Variants in KIF18A observed in about 807,000 individuals in gnomAD.
The protein encoded by KIF18A is kinesin family member 18A.
KIF18A carries 67 observed loss-of-function variants against 103.3 expected under a neutral mutation model. That is an observed-to-expected ratio of 0.65 (90% CI 0.53 to 0.79). The LOEUF (loss-of-function observed/expected upper bound fraction) is 0.79. Ranked by LOEUF, KIF18A falls within the 30% of genes least tolerant of loss-of-function variation. KIF18A has a pLI of 0.00. For missense variants in KIF18A, 1,032 were observed against 1,062.5 expected (o/e 0.97, Z 0.40); for synonymous variants, 367 against 355.5 (o/e 1.03, Z -0.36).
chr11:28,100,941 T>C (rs1019912362), intron 1 of KIF18A, among the ~76,000 whole-genome samples: 2 of 152,136 alleles, frequency 1.3e-5, no homozygotes, highest in African/African-American at 2.4e-5. Flanking sequence ...TTTCTATTTG[T>C]ATAAAAGAGA....
At chr11:28,023,623 C>T (rs1053916268) in intron 16 of KIF18A, 118 bp downstream of exon 16, 2 of 505,650 alleles carry the variant, frequency 4.0e-6, no homozygotes, top group Non-Finnish European at 7.1e-6. Context: ...TGTTCTACCA[C>T]ATAGTAAAGG....
intron 13 of KIF18A, among the ~76,000 whole-genome samples, chr11:28,043,697 CAAAAA>C (rs1850592446): frequency 2.0e-5 from 3 of 150,952 alleles, no homozygotes; most frequent in African/African-American, 7.3e-5. Context: ...AAAACAAAAA[CAAAAA>C]CAAAAACCAA....
intron 11 of KIF18A, among the ~76,000 whole-genome samples, chr11:28,066,471 C>T (rs1281758938): frequency 6.6e-6 from 1 of 151,870 alleles, no homozygotes; most frequent in Non-Finnish European, 1.5e-5. Flanking sequence ...TCCTCTGATC[C>T]TAGCTAACTT....
rs776415017 is a variant in KIF18A, at chr11:28,069,309, G to A, written c.1540C>T (p.Arg514Cys). Residue 514 changes from arginine to cysteine, a missense_variant, in exon 11 of 17, where the codon CGT (arginine) becomes TGT (cysteine). Transcript: ENST00000263181. ...AAGAGTCCCATTTCTTTTTCGACAC[G>A]ATGGAGCCAATTAGTATTCTCATCA... ...QFDENTNWLHRVEKEMGLLSQ... is the reference protein window; with the variant it reads ...QFDENTNWLHCVEKEMGLLSQ... The A allele has an allele frequency of 2.5e-5, 41 of 1,613,150 alleles. No homozygotes were observed. Among genetic ancestry groups the A allele is most frequent in the African/African-American group, 2.1e-4 (16 of 74,832 alleles).
chr11:28,096,633 G>T (rs1034474130), intron 2 of KIF18A, among the ~76,000 whole-genome samples: 7 of 152,020 alleles, frequency 4.6e-5, no homozygotes, highest in African/African-American at 1.5e-4. Flanking sequence ...CTTAAAAATG[G>T]GAATCACAGT....
In KIF18A at chr11:28,022,782, A is replaced by G. The variant is rs375653993; in HGVS notation, c.2614+959T>C. Among the ~76,000 whole-genome samples, 10 of 152,160 alleles carry G rather than the reference A, an allele frequency of 6.6e-5. No individual in the cohort carries two copies. The East Asian group carries it at 1.3e-3, about 20-fold the overall frequency. The stretch of plus-strand genomic sequence containing the variant: ...GTTTCAATTTGCTGTCTGATGCTTC[A>G]ATTTCCATTGAACTTAAGGTAAACA... On this transcript the variant is annotated intron_variant, in intron 16 of 16. Transcript: ENST00000263181.
intron 13 of KIF18A, among the ~76,000 whole-genome samples, chr11:28,041,617 T>C (rs1472028458): frequency 1.3e-5 from 2 of 151,746 alleles, no homozygotes; most frequent in Non-Finnish European, 2.9e-5. Flanking sequence ...ATGGATATAA[T>C]GTGATCTGAT....
At chr11:28,021,787 T>C (rs1419966340) in intron 16 of KIF18A, among the ~76,000 whole-genome samples, 1 of 152,220 alleles carries the variant, frequency 6.6e-6, no homozygotes, top group Admixed American at 6.5e-5. Flanking sequence ...GTTCTATTTA[T>C]GCCCATTCTT....
At chr11:28,072,982 T>C (rs556704137) in intron 10 of KIF18A, among the ~76,000 whole-genome samples, 1 of 152,276 alleles carries the variant, frequency 6.6e-6, no homozygotes, top group East Asian at 1.9e-4. Context: ...GTTTTGATAA[T>C]GCTACTCCCT....
At chr11:28,075,868 A>C (rs1167224605) in intron 10 of KIF18A, among the ~76,000 whole-genome samples, 1 of 152,162 alleles carries the variant, frequency 6.6e-6, no homozygotes, top group Non-Finnish European at 1.5e-5. Context: ...TTTCTATACA[A>C]AATACATGGG....
chr11:28,036,102 TAAAAC>T (rs1384617805), intron 14 of KIF18A, 110 bp downstream of exon 14: 1 of 625,458 alleles, frequency 1.6e-6, no homozygotes, highest in Non-Finnish European at 2.7e-6. Flanking sequence ...TTAATGAAAA[TAAAAC>T]AGACTGTTTT....
chr11:28,048,150 C>G (rs1354036844), intron 13 of KIF18A, among the ~76,000 whole-genome samples: 1 of 152,120 alleles, frequency 6.6e-6, no homozygotes, highest in African/African-American at 2.4e-5. Context: ...ACCTTCATTA[C>G]CCACTTACAA....
chr11:28,027,106 T>C (rs1850331461), intron 15 of KIF18A, among the ~76,000 whole-genome samples: 1 of 151,816 alleles, frequency 6.6e-6, no homozygotes, highest in Non-Finnish European at 1.5e-5. Context: ...ACTTGTAAAT[T>C]CGCTTCCTGT....
intron 10 of KIF18A, among the ~76,000 whole-genome samples, chr11:28,071,444 AATT>A (rs1371332399): frequency 3.2e-4 from 48 of 150,190 alleles, no homozygotes; most frequent in African/African-American, 8.7e-4. Flanking sequence ...TTTTTATTTT[AATT>A]ATTATTTAAC....
At chr11:28,095,280 C>T (rs1851354093) in intron 2 of KIF18A, among the ~76,000 whole-genome samples, 1 of 152,208 alleles carries the variant, frequency 6.6e-6, no homozygotes, top group Non-Finnish European at 1.5e-5. Flanking sequence ...CTTAATTATT[C>T]AATACTCTCA....
At chr11:28,106,773 C>T (rs191447531) in intron 1 of KIF18A, among the ~76,000 whole-genome samples, 1 of 152,006 alleles carries the variant, frequency 6.6e-6, no homozygotes, top group Admixed American at 6.6e-5. Flanking sequence ...GAGTTCGAGA[C>T]CAGCCTGGCC....
Position 28,082,912 on chromosome 11 carries a change from A to T in KIF18A, c.1206T>A (p.Asn402Lys), listed in dbSNP as rs756887741. The T allele has an allele frequency of 1.2e-6, 2 of 1,606,332 alleles. No homozygotes were observed. Among genetic ancestry groups the T allele is most frequent in the African/African-American group, 1.3e-5 (1 of 74,712 alleles). Residue 402 changes from asparagine (N) to lysine (K), a missense_variant, in exon 9 of 17, where the codon AAT (asparagine) becomes AAA (lysine). Asn to Lys is a moderately conservative substitution (Grantham distance 94, BLOSUM62 0). Coordinates refer to ENST00000263181, the MANE Select transcript of KIF18A (RefSeq NM_031217.4). The part of the protein sequence containing the change: ...KAYEEQKAFT[N>K]ENDQAKLMIS... ...TCATTAACTTTGCTTGGTCATTTTC[A>T]TTAGTGAAGGCTTTCTGTTCTTCAT...
intron 1 of KIF18A, among the ~76,000 whole-genome samples, chr11:28,103,865 T>C (rs781618516): frequency 1.3e-5 from 2 of 152,166 alleles, no homozygotes; most frequent in African/African-American, 2.4e-5. Flanking sequence ...TGTTCCCAAT[T>C]TCTTGTTTAG....
chr11:28,058,662 C>CAAAAAAAA (rs58273868), intron 13 of KIF18A, among the ~76,000 whole-genome samples: 6 of 64,438 alleles, frequency 9.3e-5, no homozygotes, highest in South Asian at 1.1e-3. Flanking sequence ...ACCCTGTCAC[C>CAAAAAAAA]AAAAAAAAAA....
Sources: allele counts gnomAD v4.1 joint callset (sites outside exome capture counted in the v4.1 genomes callset), GRCh38; gene constraint gnomAD v4.1.1; transcripts MANE v1.5; gene names NCBI Gene and HGNC (gene_info 2026-07-23, HGNC 2026-07-21).